The following EPC2 variants were observed in gnomAD, a reference collection of about 807,000 sequenced individuals.
EPC2 encodes enhancer of polycomb homolog 2.
A neutral mutation model predicts 92.1 loss-of-function variants in EPC2; 14 were observed. The ratio of observed to expected loss-of-function variants is 0.15; its 90% confidence interval spans 0.10 to 0.24. The LOEUF is 0.24. EPC2 is among the 10% of genes least tolerant of loss of function. The pLI is 1.00. For synonymous variants in EPC2, 340 were observed against 334.7 expected (o/e 1.02, Z -0.17); for missense variants, 755 against 971.5 (o/e 0.78, Z 2.96).
chr2:148,763,691 A>G (rs1296365817), intron 6 of EPC2, among the ~76,000 whole-genome samples: 2 of 152,202 alleles, frequency 1.3e-5, no homozygotes, highest in Non-Finnish European at 2.9e-5. Flanking sequence ...TTTCTTATTA[A>G]TCACAGGCGT....
chr2:148,732,381 CTTTTTTT>C (rs752780229), intron 2 of EPC2, among the ~76,000 whole-genome samples: 1 of 132,962 alleles, frequency 7.5e-6, no homozygotes, highest in East Asian at 2.2e-4. Context: ...TTATTTTTGT[CTTTTTTT>C]TTTTTTTTTT....
chr2:148,694,397 A>T (rs1445391372), intron 2 of EPC2, among the ~76,000 whole-genome samples: 2 of 152,174 alleles, frequency 1.3e-5, no homozygotes, highest in Non-Finnish European at 2.9e-5. Context: ...AATTTATTGA[A>T]TCATAACACA....
At chr2:148,733,473 C>G (rs75337366) in intron 2 of EPC2, among the ~76,000 whole-genome samples, 3,079 of 116,350 alleles carry the variant, frequency 0.026, 62 homozygotes, top group Non-Finnish European at 0.036. Context: ...TTCTTTCTCT[C>G]TCTGGATTTT....
At chr2:148,741,607 A>G (rs1035212676) in intron 2 of EPC2, among the ~76,000 whole-genome samples, 1 of 152,184 alleles carries the variant, frequency 6.6e-6, no homozygotes, top group Non-Finnish European at 1.5e-5. Flanking sequence ...TTCACGTGGT[A>G]TGAATGTAGG....
In EPC2 at chr2:148,677,417, G is replaced by A. The variant is rs533573025; in HGVS notation, c.154-12797G>A. 5.3e-5 allele frequency among the ~76,000 whole-genome samples: 8 copies of A among 152,324 alleles called. No individual in the cohort carries two copies. The South Asian group carries it at 1.7e-3, about 32-fold the overall frequency. The stretch of plus-strand genomic sequence containing the variant: ...AAGGCCAGCATGCTGGCTCATGCTT[G>A]TAATCCCAACACTTTGGGAAGCTGA... On this transcript the variant is annotated intron_variant, in intron 1 of 13. Transcript: ENST00000258484.
chr2:148,680,648 A>G (rs1452117183), intron 1 of EPC2, among the ~76,000 whole-genome samples: 1 of 152,238 alleles, frequency 6.6e-6, no homozygotes, highest in Non-Finnish European at 1.5e-5. Flanking sequence ...TGAAGTTGAC[A>G]GAGAAATTGA....
intron 2 of EPC2, among the ~76,000 whole-genome samples, chr2:148,718,178 G>T (rs550702136): frequency 1.6e-4 from 24 of 152,266 alleles, no homozygotes; most frequent in African/African-American, 5.5e-4. Context: ...GTAGCAATGG[G>T]TCTTGATTCT....
At chr2:148,769,710 C>A (rs1317418940) in intron 8 of EPC2, among the ~76,000 whole-genome samples, 1 of 152,096 alleles carries the variant, frequency 6.6e-6, no homozygotes, top group Middle Eastern at 3.2e-3. Flanking sequence ...TAATTGTATT[C>A]ATAACTTTTT....
chr2:148,743,228 T>C (rs1682915900), intron 2 of EPC2, among the ~76,000 whole-genome samples: 1 of 152,182 alleles, frequency 6.6e-6, no homozygotes, highest in Non-Finnish European at 1.5e-5. Flanking sequence ...ATACCTGTTT[T>C]ATCCTCAGTA....
rs546513871 is a variant in EPC2 at position 148,698,413 on chromosome 2, G to A, written c.313+8040G>A. 3.9e-5 allele frequency among the ~76,000 whole-genome samples: 6 copies of A among 152,060 alleles called. No homozygotes were observed. The East Asian group carries it at 1.2e-3, about 29-fold the overall frequency. On this transcript the variant is annotated intron_variant, in intron 2 of 13. Coordinates refer to ENST00000258484, the MANE Select transcript of EPC2 (RefSeq NM_015630.4). ...AGCACTTTGGGAGGCTGAGGCGGGT[G>A]GATCACGAGGTCAGGAGTTCAAGAC...
Position 148,646,112 on chromosome 2 carries a change from T to A in EPC2, c.153+942T>A, listed in dbSNP as rs563152477. Among the ~76,000 whole-genome samples, 192 of 152,278 alleles carry A rather than the reference T, an allele frequency of 1.3e-3. 1 individual carries two copies. Among genetic ancestry groups the A allele is most frequent in the Middle Eastern group, 6.8e-3 (2 of 294 alleles). On this transcript the variant is annotated intron_variant, in intron 1 of 13. Coordinates refer to ENST00000258484, the MANE Select transcript of EPC2 (RefSeq NM_015630.4). ...CGAGTGGTGTTACTTGCGTGCGAAG[T>A]TCATAGTAACTGCACCCTCAAGAAT...
intron 2 of EPC2, among the ~76,000 whole-genome samples, chr2:148,693,569 C>G (rs1338260666): frequency 1.3e-5 from 2 of 152,140 alleles, no homozygotes; most frequent in Non-Finnish European, 2.9e-5. Context: ...GTTTGAGGGT[C>G]TTTTTCTTCC....
chr2:148,764,896 A>T, intron 6 of EPC2, 59 bp from the exon 7 acceptor site: 1 of 1,264,280 alleles, frequency 7.9e-7, no homozygotes, highest in Non-Finnish European at 1.0e-6. Flanking sequence ...ATAGTTTTTC[A>T]TGATTTCTAA....
intron 2 of EPC2, among the ~76,000 whole-genome samples, chr2:148,708,365 C>G (rs1682054391): frequency 3.3e-5 from 5 of 152,012 alleles, no homozygotes; most frequent in African/African-American, 1.2e-4. Flanking sequence ...GCCTACCAAC[C>G]AAAAAAAGTC....
intron 7 of EPC2, among the ~76,000 whole-genome samples, chr2:148,767,525 G>A (rs983572910): frequency 5.9e-5 from 9 of 152,098 alleles, no homozygotes; most frequent in Admixed American, 3.3e-4. Flanking sequence ...ATATTTGGGC[G>A]TCATTCAGTG....
At chr2:148,779,452 A>G (rs1683707236) in intron 10 of EPC2, among the ~76,000 whole-genome samples, 1 of 152,060 alleles carries the variant, frequency 6.6e-6, no homozygotes, top group Admixed American at 6.6e-5. Context: ...GTGTGATGCC[A>G]TGCACCTGTA....
intron 1 of EPC2, among the ~76,000 whole-genome samples, chr2:148,647,551 C>T (rs1683827670): frequency 6.6e-6 from 1 of 151,720 alleles, no homozygotes; most frequent in Admixed American, 6.6e-5. Flanking sequence ...CAGGTGATCA[C>T]CCGCCTCGGC....
chr2:148,760,072 A>G (rs4972296), intron 4 of EPC2, among the ~76,000 whole-genome samples: 21,320 of 152,080 alleles, frequency 0.14, 2,433 homozygotes, highest in East Asian at 0.46. Context: ...GTGAAATCCC[A>G]TCTCTTCTAA....
intron 3 of EPC2, among the ~76,000 whole-genome samples, chr2:148,749,230 G>A (rs928463671): frequency 6.6e-6 from 1 of 152,100 alleles, no homozygotes; most frequent in African/African-American, 2.4e-5. Context: ...TCATGCCGGT[G>A]GTGTTCATAG....
Sources: allele counts gnomAD v4.1 joint callset (sites outside exome capture counted in the v4.1 genomes callset), GRCh38; gene constraint gnomAD v4.1.1; transcripts MANE v1.5; gene names NCBI Gene and HGNC (gene_info 2026-07-23, HGNC 2026-07-21).